CHN2: variants seen among roughly 807,000 people sequenced by gnomAD.
CHN2 encodes chimerin 2.
In CHN2, 35 loss-of-function variants were observed where a neutral mutation model predicts 56.3. The ratio of observed to expected loss-of-function variants is 0.62; its 90% confidence interval spans 0.47 to 0.82. The LOEUF (loss-of-function observed/expected upper bound fraction) is 0.82, where lower values mean the gene tolerates loss of function less well. Ranked by LOEUF, CHN2 falls within the 40% of genes least tolerant of loss-of-function variation. The pLI is 0.00. For synonymous variants in CHN2, 210 were observed against 212.8 expected (o/e 0.99, Z 0.12); for missense variants, 491 against 580.5 (o/e 0.85, Z 1.58).
chr7:29,254,436 C>G (rs577566824), intron 1 of CHN2, among the ~76,000 whole-genome samples: 11 of 152,162 alleles, frequency 7.2e-5, no homozygotes, highest in Non-Finnish European at 1.5e-5. Flanking sequence ...ATCTCAAGCA[C>G]GTTCTGTAAC....
At chr7:29,502,442 C>T (rs530783405) in intron 9 of CHN2, among the ~76,000 whole-genome samples, 1 of 152,154 alleles carries the variant, frequency 6.6e-6, no homozygotes, top group Non-Finnish European at 1.5e-5. Context: ...GTCACTTCTG[C>T]TCTCACATGG....
intron 1 of CHN2, among the ~76,000 whole-genome samples, chr7:29,270,233 T>TTTCTC (rs1197989378): frequency 6.6e-6 from 1 of 152,188 alleles, no homozygotes; most frequent in Non-Finnish European, 1.5e-5. Context: ...AGTCTTATTG[T>TTTCTC]TTCAGTCCCC....
intron 1 of CHN2, among the ~76,000 whole-genome samples, chr7:29,345,943 A>C (rs1797401342): frequency 1.3e-5 from 2 of 152,104 alleles, no homozygotes; most frequent in Non-Finnish European, 2.9e-5. Context: ...TATTCTCTGC[A>C]AGTGGGACTC....
chr7:29,170,227 G>A (rs1432522076), intron 2 of CHN2, among the ~76,000 whole-genome samples: 1 of 152,068 alleles, frequency 6.6e-6, no homozygotes, highest in Admixed American at 6.6e-5. Flanking sequence ...ATAGATTGCT[G>A]GTGATACTGA....
At chr7:29,166,697 A>G (rs1253192613) in intron 2 of CHN2, among the ~76,000 whole-genome samples, 1 of 152,046 alleles carries the variant, frequency 6.6e-6, no homozygotes, top group Non-Finnish European at 1.5e-5. Flanking sequence ...CTACAACTGT[A>G]TTGGTATCCT....
At chr7:29,297,993 G>A (rs6948683) in intron 1 of CHN2, among the ~76,000 whole-genome samples, 33,677 of 152,046 alleles carry the variant, frequency 0.22, 4,225 homozygotes, top group Non-Finnish European at 0.29. Flanking sequence ...CAAATACCTG[G>A]GGTTCGTGAG....
At chr7:29,482,486 C>T (rs1787368086) in intron 7 of CHN2, among the ~76,000 whole-genome samples, 1 of 152,116 alleles carries the variant, frequency 6.6e-6, no homozygotes, top group Non-Finnish European at 1.5e-5. Flanking sequence ...AAAAAGCAGG[C>T]TCAGGCTATA....
rs553756009 is a variant in CHN2, at chr7:29,364,544, G to T, written c.89-3388G>T. ...GATGGCCATTGCATGCTCATTAACA[G>T]TAACATCCTGCTAAAAAGCAGCTTA... On this transcript the variant is annotated intron_variant, in intron 2 of 12. Coordinates refer to ENST00000222792, the MANE Select transcript of CHN2 (RefSeq NM_004067.4). Among the ~76,000 whole-genome samples the T allele has an allele frequency of 1.2e-4, 18 of 152,304 alleles. No homozygotes were observed. The East Asian group carries it at 3.1e-3, about 26-fold the overall frequency.
chr7:29,322,405 T>G (rs1243573978), intron 1 of CHN2, among the ~76,000 whole-genome samples: 1 of 152,230 alleles, frequency 6.6e-6, no homozygotes, highest in Admixed American at 6.5e-5. Flanking sequence ...CCTGTGATGA[T>G]GGAACAGCCT....
intron 2 of CHN2, among the ~76,000 whole-genome samples, chr7:29,173,130 CAAAAA>C (rs56379349): frequency 1.2e-5 from 1 of 80,164 alleles, no homozygotes. Flanking sequence ...GACTCTGTAT[CAAAAA>C]AAAAAAAAAA....
rs371827142 is a variant in CHN2 at position 29,306,601 on chromosome 7, C to T, written c.50-48024C>T. Reference sequence around the variant, plus strand: ...GGCGATAGAGCACATGCTGAATGAACTGTTATATCCTTGCCCTGTGACACA... The same window carrying T: ...GGCGATAGAGCACATGCTGAATGAATTGTTATATCCTTGCCCTGTGACACA... On this transcript the variant is annotated intron_variant, in intron 1 of 12. Coordinates refer to ENST00000222792, the MANE Select transcript of CHN2 (RefSeq NM_004067.4). Among the ~76,000 whole-genome samples the T allele has an allele frequency of 8.5e-5, 13 of 152,304 alleles. 2 individuals carry two copies. The highest frequency in any genetic ancestry group is 3.1e-4 in the African/African-American group (13 of 41,586).
At chr7:29,408,062 T>C (rs1802826743) in intron 6 of CHN2, among the ~76,000 whole-genome samples, 1 of 151,946 alleles carries the variant, frequency 6.6e-6, no homozygotes. Context: ...CTGTGGCACA[T>C]GCCTGTAATC....
At chr7:29,213,352 A>G (rs1431604223) in intron 1 of CHN2, 11 of 648,272 alleles carry the variant, frequency 1.7e-5, no homozygotes, top group African/African-American at 8.9e-5. Context: ...TATCCAGTCA[A>G]TTTGATGGAG....
In CHN2 at chr7:29,514,147, T is replaced by G. The variant is rs933580956; in HGVS notation, c.*1412T>G. On this transcript the variant is annotated 3_prime_UTR_variant, in exon 13 of 13. Transcript: ENST00000222792. ...ATTGGCACAGGGAGGTTTGACCTCT[T>G]CCCTGCTATTATCCCTCCTCCCAAC... 6.6e-6 allele frequency: 1 copy of G among 152,666 alleles called. No homozygotes were observed. The highest frequency in any genetic ancestry group is 1.5e-5 in the Non-Finnish European group (1 of 68,052). 9.5% of individuals were successfully genotyped at this position (152,666 alleles called of 1,614,324 possible). A position where few individuals can be genotyped will look rare whatever the true frequency, so the allele number is the denominator to read the frequency against.
intron 1 of CHN2, among the ~76,000 whole-genome samples, chr7:29,225,283 T>G (rs2128795715): frequency 6.6e-6 from 1 of 152,312 alleles, no homozygotes; most frequent in African/African-American, 2.4e-5. Context: ...ATTGTTGTGT[T>G]GTACCTGGAC....
At chr7:29,377,030 TTTTGTTTG>T (rs894414492) in intron 3 of CHN2, among the ~76,000 whole-genome samples, 3 of 148,202 alleles carry the variant, frequency 2.0e-5, no homozygotes, top group African/African-American at 7.3e-5. Flanking sequence ...GTTTGTTTTA[TTTTGTTTG>T]TTTATTTGAG....
intron 1 of CHN2, among the ~76,000 whole-genome samples, chr7:29,321,049 CTATT>C (rs1795305037): frequency 6.6e-6 from 1 of 152,326 alleles, no homozygotes; most frequent in Middle Eastern, 3.4e-3. Flanking sequence ...TAAAACCTCA[CTATT>C]TATTTTACAA....
intron 1 of CHN2, among the ~76,000 whole-genome samples, chr7:29,270,205 A>G (rs777020203): frequency 1.3e-5 from 2 of 152,120 alleles, no homozygotes; most frequent in Non-Finnish European, 2.9e-5. Flanking sequence ...TATCTTCATG[A>G]TAACCTTGCT....
At chr7:29,338,669 C>T (rs1796810297) in intron 1 of CHN2, among the ~76,000 whole-genome samples, 1 of 152,176 alleles carries the variant, frequency 6.6e-6, no homozygotes, top group South Asian at 2.1e-4. Flanking sequence ...ACCTCCATCT[C>T]CCAGGTTCAA....
Sources: allele counts gnomAD v4.1 joint callset (sites outside exome capture counted in the v4.1 genomes callset), GRCh38; gene constraint gnomAD v4.1.1; transcripts MANE v1.5; gene names NCBI Gene and HGNC (gene_info 2026-07-23, HGNC 2026-07-21).